The following AGO1 variants were observed in gnomAD, a reference collection of about 807,000 sequenced individuals.
AGO1 encodes the protein argonaute RISC component 1.
In AGO1, 11 loss-of-function variants were observed where a neutral mutation model predicts 109.2. The ratio of observed to expected loss-of-function variants is 0.10; its 90% CI spans 0.06 to 0.17. AGO1 has a LOEUF of 0.17. AGO1 is among the 10% of genes least tolerant of loss of function. AGO1 has a pLI of 1.00. For synonymous variants in AGO1, 422 were observed against 418.6 expected, an observed-to-expected ratio of 1.01 and a Z score of -0.10; for missense variants, 574 against 1,140.3, an observed-to-expected ratio of 0.50 and a Z score of 7.15.
Position 35,907,070 on chromosome 1 carries a change from A to G in AGO1, c.1533A>G (p.Ser511=), listed in dbSNP as rs1050019769. 6.2e-7 allele frequency: 1 copy of G among 1,614,008 alleles called. No individual in the cohort carries two copies. The highest frequency in any genetic ancestry group is 8.5e-7 in the Non-Finnish European group (1 of 1,179,972). ...PMFRHLKNTY[S]GLQLIIVILP... is the part of the protein sequence containing the mutation. ...TCCGGCATCTCAAGAACACCTACTCAGGGCTGCAGCTCATTATTGTCATCC... is the reference window on the plus strand; with the variant it reads ...TCCGGCATCTCAAGAACACCTACTCGGGGCTGCAGCTCATTATTGTCATCC... The change falls in exon 12 of 19, where the codon TCA becomes TCG. Residue 511 remains serine (S), a synonymous_variant. Transcript: ENST00000373204.
chr1:35,897,224 G>A (rs1201907160), intron 8 of AGO1, among the ~76,000 whole-genome samples: 1 of 152,200 alleles, frequency 6.6e-6, no homozygotes, highest in African/African-American at 2.4e-5. Flanking sequence ...TAGAAGTAAG[G>A]GAGGAAGAGG....
chr1:35,883,786 G>A lies in AGO1; in HGVS notation c.25+340G>A, dbSNP rs951187886. Among the ~76,000 whole-genome samples the A allele has an allele frequency of 2.0e-5, 3 of 152,240 alleles. No individual in the cohort carries two copies. The highest frequency in any genetic ancestry group is 2.0e-4 in the Admixed American group (3 of 15,290). On this transcript the variant is annotated intron_variant, in intron 1 of 18. Coordinates refer to ENST00000373204, the MANE Select transcript of AGO1 (RefSeq NM_012199.5). This position sits in a 1 kb window ranked among gnomAD's most constrained non-coding sequence, Gnocchi z 5.4. ...GGGGACGGGCTCCAGGTGTCCAGGA[G>A]AGGAGGGGGCGACACAGATGGGCCT...
In AGO1 at chr1:35,928,636, C is replaced by A. The variant is rs918514248; in HGVS notation, c.*9029C>A. 1 of 152,146 alleles carries A rather than the reference C, an allele frequency of 6.6e-6. No homozygotes were observed. The highest frequency in any genetic ancestry group is 1.5e-5 in the Non-Finnish European group (1 of 68,014). 9.4% of individuals were successfully genotyped at this position (152,146 alleles called of 1,614,324 possible). A position where few individuals can be genotyped will look rare whatever the true frequency, so the allele number is the denominator to read the frequency against. On this transcript the variant is annotated 3_prime_UTR_variant, in exon 19 of 19. Transcript: ENST00000373204. ...TGAGTTTTATTGAGTTGTAAGAGTT[C>A]TTTATTCATTTTAAACACAAGTCCT...
Position 35,883,473 on chromosome 1 carries a change from T to C in AGO1, c.25+27T>C, listed in dbSNP as rs200044978. 424 of 1,544,916 alleles carry C rather than the reference T, an allele frequency of 2.7e-4. 3 individuals carry two copies. The highest frequency in any genetic ancestry group is 2.7e-3 in the South Asian group (226 of 82,600). On this transcript the variant is annotated intron_variant, in intron 1 of 18. Transcript: ENST00000373204. This position sits in a 1 kb window ranked among gnomAD's most constrained non-coding sequence, Gnocchi z 5.4. Reference sequence around the variant, plus strand: ...TAAGGGTCCCCAGGAGGGGGAACGGTGCATGCTCCAAGGACTGGGGGATCC... The same window carrying C: ...TAAGGGTCCCCAGGAGGGGGAACGGCGCATGCTCCAAGGACTGGGGGATCC...
chr1:35,884,397 A>G (rs2148706741), intron 1 of AGO1, among the ~76,000 whole-genome samples: 1 of 152,126 alleles, frequency 6.6e-6, no homozygotes, highest in East Asian at 1.9e-4. Flanking sequence ...ACCTGGAAGG[A>G]GTTGTCTGCT....
At chr1:35,878,655 C>G (rs1043029951), upstream of AGO1, among the ~76,000 whole-genome samples, 2 of 152,156 alleles carry the variant, frequency 1.3e-5, no homozygotes, top group East Asian at 3.8e-4. Flanking sequence ...AACTCGGCCT[C>G]TTTCTCTTCT....
intron 11 of AGO1, among the ~76,000 whole-genome samples, chr1:35,903,386 G>A (rs1227051571): frequency 6.6e-6 from 1 of 151,592 alleles, no homozygotes; most frequent in Admixed American, 6.6e-5. Context: ...ACAACATACA[G>A]TTAGTTGGTT....
chr1:35,917,528 A>T, intron 15 of AGO1, 65 bp from the exon 16 acceptor site: 3 of 1,545,084 alleles, frequency 1.9e-6, no homozygotes, highest in Non-Finnish European at 1.8e-6. Flanking sequence ...TTAGTTCAGA[A>T]GGGTATGTGA....
chr1:35,905,404 T>A (rs1202224691), intron 11 of AGO1, among the ~76,000 whole-genome samples: 2 of 152,238 alleles, frequency 1.3e-5, no homozygotes, highest in Non-Finnish European at 2.9e-5. Context: ...TCATATTTAC[T>A]TTATCCTTTT....
At chr1:35,904,838 A>C (rs1205139350) in intron 11 of AGO1, among the ~76,000 whole-genome samples, 1 of 152,218 alleles carries the variant, frequency 6.6e-6, no homozygotes, top group East Asian at 1.9e-4. Context: ...TAAATAGAGC[A>C]AAGTCCCTAA....
At chr1:35,879,036 C>A (rs562226589), upstream of AGO1, among the ~76,000 whole-genome samples, 5 of 152,032 alleles carry the variant, frequency 3.3e-5, no homozygotes, top group African/African-American at 9.6e-5. Flanking sequence ...ACAGCAGAGG[C>A]CCTTAGGTGT....
At chr1:35,902,608 T>A (rs1336511723) in intron 11 of AGO1, among the ~76,000 whole-genome samples, 4 of 152,246 alleles carry the variant, frequency 2.6e-5, no homozygotes, top group Non-Finnish European at 5.9e-5. Flanking sequence ...ATTATTATCA[T>A]TGGTAATAAA....
At position 35,888,527 on chromosome 1, in the gene AGO1, C is replaced by T. The variant is rs768283757; in HGVS notation, c.126C>T (p.Tyr42=). Residue 42 remains tyrosine, a synonymous_variant, in exon 2 of 19, where the codon TAC becomes TAT. Transcript: ENST00000373204. This position sits in a 1 kb window ranked among gnomAD's most constrained non-coding sequence, Gnocchi z 4.1. ...AACCAATCAAGCTCCTGGCCAATTA[C>T]TTTGAGGTGGACATCCCTAAGATCG... ...VGKPIKLLAN[Y]FEVDIPKIDV... The T allele has an allele frequency of 1.9e-6, 3 of 1,614,230 alleles. No individual in the cohort carries two copies. The highest frequency in any genetic ancestry group is 1.7e-6 in the Non-Finnish European group (2 of 1,180,042).
chr1:35,901,346 A>G lies in AGO1; in HGVS notation c.1021-128A>G. On this transcript the variant is annotated intron_variant, in intron 8 of 18. Transcript: ENST00000373204. This position sits in a 1 kb window ranked among gnomAD's most constrained non-coding sequence, Gnocchi z 4.8. ...TGATACTCAGGAGGAGAATACATGT[A>G]TGCACAACGGATTTTGCAGTTCCCT... The G allele has an allele frequency of 8.9e-7, 1 of 1,129,758 alleles. No individual in the cohort carries two copies. 70.0% of individuals were successfully genotyped at this position (1,129,758 alleles called of 1,614,324 possible). A position where few individuals can be genotyped will look rare whatever the true frequency, so the allele number is the denominator to read the frequency against.
chr1:35,907,937 C>T (rs1259573902), intron 12 of AGO1, among the ~76,000 whole-genome samples: 2 of 152,100 alleles, frequency 1.3e-5, no homozygotes, highest in African/African-American at 4.8e-5. Context: ...CTAGTCTGGG[C>T]AACAAAGCAA....
At chr1:35,877,987 G>A (rs931439320) in intron 1 of AGO1, among the ~76,000 whole-genome samples, 5 of 151,860 alleles carry the variant, frequency 3.3e-5, no homozygotes, top group South Asian at 2.1e-4. Flanking sequence ...CACTGCACCC[G>A]GCCCAATATT....
upstream of AGO1, among the ~76,000 whole-genome samples, chr1:35,878,698 G>A (rs1327472082): frequency 6.6e-6 from 1 of 152,038 alleles, no homozygotes; most frequent in Admixed American, 6.5e-5. Flanking sequence ...CTTCTTATTG[G>A]TTCTTATAGA....
chr1:35,889,950 G>A (rs1454673424), intron 2 of AGO1, among the ~76,000 whole-genome samples: 1 of 150,870 alleles, frequency 6.6e-6, no homozygotes, highest in African/African-American at 2.4e-5. Flanking sequence ...CCTAACCTCA[G>A]ATGATCTGCC....
At chr1:35,885,130 C>T (rs1267151135) in intron 1 of AGO1, among the ~76,000 whole-genome samples, 1 of 151,962 alleles carries the variant, frequency 6.6e-6, no homozygotes, top group African/African-American at 2.4e-5. Context: ...AGGATAAGCA[C>T]AGGGAGCAAC....
Sources: gnomAD v4.1 joint callset for allele counts (sites outside exome capture counted in the v4.1 genomes callset) on GRCh38, gnomAD v4.1.1 for gene constraint, Gnocchi (gnomAD v3.1) non-coding constraint, MANE v1.5 for transcripts, NCBI Gene and HGNC (gene_info 2026-07-23, HGNC 2026-07-21) for gene names.